The following ENOX1 variants were observed in gnomAD, a reference collection of about 807,000 sequenced individuals.
The protein encoded by ENOX1 is ecto-NOX disulfide-thiol exchanger 1, also known as candidate growth-related and time keeping constitutive hydroquinone (NADH) oxidase.
ENOX1 carries 42 observed loss-of-function variants against 82.5 expected under a neutral mutation model. The ratio of observed to expected loss-of-function variants is 0.51; its 90% confidence interval spans 0.40 to 0.66. The LOEUF (loss-of-function observed/expected upper bound fraction) is 0.66, where lower values mean the gene tolerates loss of function less well. Among genes scored for constraint, ENOX1 ranks in the 30% least tolerant of loss-of-function variants. ENOX1 has a pLI of 0.00. For missense variants in ENOX1, 608 were observed against 811.6 expected, an observed-to-expected ratio of 0.75 and a Z score of 3.05; for synonymous variants, 271 against 282.2, an observed-to-expected ratio of 0.96 and a Z score of 0.40.
At chr13:43,497,348 T>C (rs1297923571) in intron 2 of ENOX1, among the ~76,000 whole-genome samples, 3 of 152,170 alleles carry the variant, frequency 2.0e-5, no homozygotes, top group Non-Finnish European at 4.4e-5. Context: ...TTTCCTGATT[T>C]GGAGGGAAAG....
chr13:43,651,695 TA>T (rs57810969), intron 2 of ENOX1, among the ~76,000 whole-genome samples: 32 of 96,846 alleles, frequency 3.3e-4, no homozygotes, highest in South Asian at 6.9e-4. Context: ...AGACTCTGTC[TA>T]AAAAAAAAAA....
At chr13:43,370,809 C>T (rs1383931364) in intron 5 of ENOX1, among the ~76,000 whole-genome samples, 1 of 152,050 alleles carries the variant, frequency 6.6e-6, no homozygotes, top group African/African-American at 2.4e-5. Flanking sequence ...CTTTTTTGTT[C>T]CCATTGCTAA....
chr13:43,303,984 T>A (rs1185420531), intron 11 of ENOX1, among the ~76,000 whole-genome samples: 1 of 152,230 alleles, frequency 6.6e-6, no homozygotes, highest in East Asian at 1.9e-4. Context: ...GGAGAAATGC[T>A]TCTGAAAGAA....
At chr13:43,245,653 C>A (rs540171941) in intron 14 of ENOX1, among the ~76,000 whole-genome samples, 1 of 152,232 alleles carries the variant, frequency 6.6e-6, no homozygotes, top group East Asian at 1.9e-4. Flanking sequence ...CTGCCCATCC[C>A]GAGGGTCGTG....
intron 3 of ENOX1, among the ~76,000 whole-genome samples, chr13:43,472,979 T>G (rs1011604087): frequency 6.6e-6 from 1 of 152,176 alleles, no homozygotes; most frequent in African/African-American, 2.4e-5. Flanking sequence ...CAGACAGGAA[T>G]AAAAGGGAGT....
At chr13:43,704,013 G>A (rs2087082585) in intron 1 of ENOX1, among the ~76,000 whole-genome samples, 1 of 151,806 alleles carries the variant, frequency 6.6e-6, no homozygotes, top group South Asian at 2.1e-4. Flanking sequence ...CCAAGAATAG[G>A]TATGCCATTG....
intron 1 of ENOX1, among the ~76,000 whole-genome samples, chr13:43,747,440 G>C (rs889209897): frequency 2.6e-5 from 4 of 152,158 alleles, no homozygotes; most frequent in Non-Finnish European, 5.9e-5. Context: ...TCATAAACAA[G>C]TTTCCCAGGC....
intron 2 of ENOX1, among the ~76,000 whole-genome samples, chr13:43,593,492 A>AACAAAACAAAAC (rs140213874): frequency 8.0e-5 from 10 of 125,378 alleles, no homozygotes; most frequent in Non-Finnish European, 1.4e-4. Context: ...AACAAAACAA[A>AACAAAACAAAAC]GAAGCCCTTC....
chr13:43,366,684 C>A (rs2050871913), intron 5 of ENOX1, among the ~76,000 whole-genome samples: 1 of 152,050 alleles, frequency 6.6e-6, no homozygotes, highest in African/African-American at 2.4e-5. Flanking sequence ...AGAAGAACAC[C>A]TGGGTGAAGG....
At chr13:43,350,914 T>C (rs747229258) in intron 8 of ENOX1, among the ~76,000 whole-genome samples, 11 of 152,220 alleles carry the variant, frequency 7.2e-5, no homozygotes, top group Non-Finnish European at 1.0e-4. Context: ...ACAGGGATTT[T>C]ATGTTTGAAC....
At chr13:43,431,002 G>C (rs2055623593) in intron 3 of ENOX1, among the ~76,000 whole-genome samples, 1 of 151,308 alleles carries the variant, frequency 6.6e-6, no homozygotes, top group Non-Finnish European at 1.5e-5. Flanking sequence ...AAGATATTAA[G>C]CTTCCCTATT....
At chr13:43,583,835 T>G (rs1371506878) in intron 2 of ENOX1, among the ~76,000 whole-genome samples, 1 of 152,096 alleles carries the variant, frequency 6.6e-6, no homozygotes, top group African/African-American at 2.4e-5. Context: ...TTTTTTTTTT[T>G]TTAGGGTAAG....
At chr13:43,543,603 T>C (rs1026643586) in intron 2 of ENOX1, among the ~76,000 whole-genome samples, 3 of 151,720 alleles carry the variant, frequency 2.0e-5, no homozygotes, top group African/African-American at 7.3e-5. Flanking sequence ...TTTTTACTTG[T>C]GTTTTATGCC....
chr13:43,687,563 G>A (rs79007561), intron 1 of ENOX1, among the ~76,000 whole-genome samples: 6,788 of 152,152 alleles, frequency 0.045, 208 homozygotes, highest in Middle Eastern at 0.085. Flanking sequence ...ACTTAATTAG[G>A]TCAATTAAAA....
chr13:43,484,438 G>A (rs1477525754), intron 2 of ENOX1, among the ~76,000 whole-genome samples: 1 of 152,178 alleles, frequency 6.6e-6, no homozygotes, highest in East Asian at 1.9e-4. Flanking sequence ...ATGAGCACAA[G>A]AACAGTGACA....
intron 14 of ENOX1, among the ~76,000 whole-genome samples, chr13:43,253,905 C>T (rs2043601391): frequency 6.6e-6 from 1 of 152,304 alleles, no homozygotes; most frequent in South Asian, 2.1e-4. Flanking sequence ...CTAAGCCATA[C>T]CTCTTGTGAG....
chr13:43,448,825 A>G (rs1471932054), intron 3 of ENOX1, among the ~76,000 whole-genome samples: 1 of 152,232 alleles, frequency 6.6e-6, no homozygotes, highest in Non-Finnish European at 1.5e-5. Flanking sequence ...ATCGCCACCA[A>G]CAAGCATTCT....
chr13:43,298,569 CT>C (rs759294049), intron 11 of ENOX1, 39 bp from the exon 12 acceptor site: 16 of 1,547,238 alleles, frequency 1.0e-5, no homozygotes, highest in Non-Finnish European at 1.1e-5. Flanking sequence ...GAGCTACCTT[CT>C]TGCTTAGCTT....
chr13:43,321,008 T>C (rs2047775473), intron 11 of ENOX1: 1 of 455,820 alleles, frequency 2.2e-6, no homozygotes, highest in Non-Finnish European at 4.4e-6. Context: ...GAGACATACA[T>C]CATTGACACA....
Sources: allele counts gnomAD v4.1 joint callset (sites outside exome capture counted in the v4.1 genomes callset), GRCh38; gene constraint gnomAD v4.1.1; transcripts MANE v1.5; gene names NCBI Gene and HGNC (gene_info 2026-07-23, HGNC 2026-07-21).